APBA2: variants seen among roughly 807,000 people sequenced by gnomAD.
The protein encoded by APBA2 is amyloid beta precursor protein binding family A member 2.
APBA2 carries 30 observed loss-of-function variants against 75.0 expected under a neutral mutation model. The observed-to-expected ratio is 0.40, with a 90% CI of 0.30 to 0.54. The LOEUF (loss-of-function observed/expected upper bound fraction) is 0.54, where lower values mean the gene tolerates loss of function less well. Among genes scored for constraint, APBA2 ranks in the 20% least tolerant of loss-of-function variants. APBA2 has a pLI of 0.49. For synonymous variants in APBA2, 444 were observed against 409.6 expected, an observed-to-expected ratio of 1.08 and a Z score of -1.01; for missense variants, 801 against 1,016.1, an observed-to-expected ratio of 0.79 and a Z score of 2.88.
At chr15:28,931,975 A>G (rs898830070) in intron 2 of APBA2, among the ~76,000 whole-genome samples, 1 of 152,194 alleles carries the variant, frequency 6.6e-6, no homozygotes, top group African/African-American at 2.4e-5. Flanking sequence ...TACAGCACAC[A>G]GCCCTCCCAA....
chr15:29,093,327 C>A, intron 7 of APBA2, 107 bp downstream of exon 7: 1 of 1,485,412 alleles, frequency 6.7e-7, no homozygotes, highest in Non-Finnish European at 9.1e-7. Context: ...GACTGCACAG[C>A]CCTCAGCACA....
chr15:28,970,885 C>G (rs139444663), intron 2 of APBA2, among the ~76,000 whole-genome samples: 1 of 152,146 alleles, frequency 6.6e-6, no homozygotes, highest in Admixed American at 6.5e-5. Context: ...CATGCACACA[C>G]CCGTATGTGT....
At chr15:28,927,752 G>A (rs1451926857) in intron 2 of APBA2, among the ~76,000 whole-genome samples, 1 of 151,806 alleles carries the variant, frequency 6.6e-6, no homozygotes, top group African/African-American at 2.4e-5. Flanking sequence ...GTGTGCATGT[G>A]TGTTTCATTT....
intron 4 of APBA2, chr15:29,070,947 G>A (rs768525607): frequency 8.8e-5 from 35 of 398,030 alleles, no homozygotes; most frequent in Admixed American, 3.0e-4. Context: ...ACAGGGTTAC[G>A]TTTGGGAGAA....
At chr15:28,983,454 T>A (rs769712378) in intron 2 of APBA2, among the ~76,000 whole-genome samples, 1 of 152,226 alleles carries the variant, frequency 6.6e-6, no homozygotes, top group Non-Finnish European at 1.5e-5. Context: ...CAATTCTGTG[T>A]TTCTTTTCAG....
rs1346783535 is a variant in APBA2 at position 29,020,918 on chromosome 15, A to G, written c.-41+25112A>G. Among the ~76,000 whole-genome samples the G allele has an allele frequency of 2.0e-5, 3 of 152,162 alleles. No homozygotes were observed. In the East Asian group the frequency reaches 5.8e-4, roughly 29 times the overall value. On this transcript the variant is annotated intron_variant, in intron 3 of 14. Transcript: ENST00000683413. ...ATACCCAGCAAACATTTGTATGTGCAATTCAATACTGTGTCTGTTACTGCG... is the reference window on the plus strand; with the variant it reads ...ATACCCAGCAAACATTTGTATGTGCGATTCAATACTGTGTCTGTTACTGCG...
chr15:29,061,947 G>T (rs2042146743), intron 4 of APBA2, among the ~76,000 whole-genome samples: 1 of 152,220 alleles, frequency 6.6e-6, no homozygotes, highest in Admixed American at 6.5e-5. Context: ...GGCAGCAGGT[G>T]TGCAGATGGG....
intron 6 of APBA2, among the ~76,000 whole-genome samples, chr15:29,084,089 T>C (rs1387180369): frequency 1.3e-5 from 2 of 152,240 alleles, no homozygotes; most frequent in Admixed American, 6.5e-5. Flanking sequence ...ATGTTGCTGT[T>C]TGTAGGTACA....
chr15:29,075,050 G>A, intron 5 of APBA2, 49 bp downstream of exon 5: 1 of 1,329,236 alleles, frequency 7.5e-7, no homozygotes, highest in Non-Finnish European at 1.1e-6. Flanking sequence ...CTCATCTAAT[G>A]ATGGAGTGGC....
intron 3 of APBA2, among the ~76,000 whole-genome samples, chr15:29,010,208 A>G (rs2039330342): frequency 6.6e-6 from 1 of 151,990 alleles, no homozygotes; most frequent in Admixed American, 6.6e-5. Context: ...GTTTTTGTGC[A>G]AGTTTTTGCT....
chr15:28,993,548 TATAA>T (rs1373633320), intron 2 of APBA2, among the ~76,000 whole-genome samples: 4 of 152,024 alleles, frequency 2.6e-5, no homozygotes, highest in Non-Finnish European at 4.4e-5. Context: ...GTGTGATGCC[TATAA>T]ATAGACACTC....
At chr15:28,992,016 G>A (rs916419267) in intron 2 of APBA2, among the ~76,000 whole-genome samples, 1 of 152,150 alleles carries the variant, frequency 6.6e-6, no homozygotes, top group Non-Finnish European at 1.5e-5. Context: ...CAGCTTCCAG[G>A]TCTGGGAGTC....
chr15:28,905,511 A>T (rs1234573471), intron 1 of APBA2, among the ~76,000 whole-genome samples: 2 of 152,024 alleles, frequency 1.3e-5, no homozygotes, highest in East Asian at 1.9e-4. Context: ...GAGGGGCAGC[A>T]CTCCCCACCA....
chr15:28,940,972 C>T (rs1215646359), intron 2 of APBA2, among the ~76,000 whole-genome samples: 1 of 152,132 alleles, frequency 6.6e-6, no homozygotes, highest in Non-Finnish European at 1.5e-5. Flanking sequence ...ACAATTTGAA[C>T]ATCAGTAAGA....
At chr15:29,052,033 A>G (rs952035098) in intron 3 of APBA2, among the ~76,000 whole-genome samples, 1 of 152,218 alleles carries the variant, frequency 6.6e-6, no homozygotes, top group Admixed American at 6.5e-5. Context: ...CAAGTGTGCA[A>G]GCTCTTAACT....
intron 4 of APBA2, among the ~76,000 whole-genome samples, chr15:29,071,469 A>G (rs2042619856): frequency 6.6e-6 from 1 of 151,636 alleles, no homozygotes; most frequent in African/African-American, 2.4e-5. Context: ...TTACTCAGCG[A>G]CAGATGGGAC....
intron 3 of APBA2, among the ~76,000 whole-genome samples, chr15:29,050,121 A>G (rs2041524734): frequency 6.6e-6 from 1 of 152,240 alleles, no homozygotes; most frequent in Admixed American, 6.5e-5. Context: ...AGGAAATTGT[A>G]TCAGCTTCCA....
intron 1 of APBA2, among the ~76,000 whole-genome samples, chr15:28,914,790 T>C (rs2033588860): frequency 6.6e-6 from 1 of 152,088 alleles, no homozygotes; most frequent in South Asian, 2.1e-4. Context: ...TCTTCGTGCA[T>C]TCAGGGTTCT....
In APBA2 at chr15:28,960,760, C is replaced by CTTT. The variant is rs760299039; in HGVS notation, c.-94-34978_-94-34976dup. Among the ~76,000 whole-genome samples the CTTT allele has an allele frequency of 4.0e-3, 547 of 137,112 alleles. 4 individuals carry two copies. The highest frequency in any genetic ancestry group is 0.014 in the African/African-American group (523 of 37,468). 90.0% of individuals were successfully genotyped at this position (137,112 alleles called of 152,430 possible). Reference sequence around the variant, plus strand: ...GAGGAACCAGGATGCACCCATCATTCTTTTTTTTTTTTTTTTTGAGACGGA... The same window carrying CTTT: ...GAGGAACCAGGATGCACCCATCATTCTTTTTTTTTTTTTTTTTTTTGAGACGGA... On this transcript the variant is annotated intron_variant, in intron 2 of 14. Transcript: ENST00000683413.
Sources: allele counts gnomAD v4.1 joint callset (sites outside exome capture counted in the v4.1 genomes callset), GRCh38; gene constraint gnomAD v4.1.1; transcripts MANE v1.5; gene names NCBI Gene and HGNC (gene_info 2026-07-23, HGNC 2026-07-21).